SEMA6D: variants seen among roughly 807,000 people sequenced by gnomAD.
SEMA6D encodes the protein semaphorin-6D.
SEMA6D carries 35 observed loss-of-function variants against 106.6 expected under a neutral mutation model. That is an observed-to-expected ratio of 0.33 (90% confidence interval 0.25 to 0.44). The LOEUF is 0.44. SEMA6D is among the 20% of genes least tolerant of loss of function. The pLI is 1.00. For synonymous variants in SEMA6D, 499 were observed against 487.7 expected (o/e 1.02, Z -0.31); for missense variants, 1,185 against 1,345.9 (o/e 0.88, Z 1.87).
At chr15:47,295,594 G>A (rs574162560) in intron 1 of SEMA6D, among the ~76,000 whole-genome samples, 2 of 152,286 alleles carry the variant, frequency 1.3e-5, no homozygotes, top group South Asian at 4.1e-4. Flanking sequence ...AGCCCCTATG[G>A]CAGGGAAGTG....
At chr15:47,738,397 C>T (rs2080583371) in intron 1 of SEMA6D, among the ~76,000 whole-genome samples, 1 of 152,112 alleles carries the variant, frequency 6.6e-6, no homozygotes, top group Non-Finnish European at 1.5e-5. Flanking sequence ...ATCCAGTGTA[C>T]CATTGATGGG....
intron 1 of SEMA6D, among the ~76,000 whole-genome samples, chr15:47,224,616 C>T (rs2141420730): frequency 6.6e-6 from 1 of 152,170 alleles, no homozygotes; most frequent in East Asian, 1.9e-4. Context: ...ATACCTTATA[C>T]CTCATTTCAT....
chr15:47,709,880 C>CA (rs199899821), intron 4 of SEMA6D, among the ~76,000 whole-genome samples: 17,304 of 126,886 alleles, frequency 0.14, 1,039 homozygotes, highest in African/African-American at 0.21. Flanking sequence ...TAAAAACTGG[C>CA]AAAAAAAAAA....
chr15:47,522,948 G>A (rs2044636951), intron 3 of SEMA6D, among the ~76,000 whole-genome samples: 1 of 152,202 alleles, frequency 6.6e-6, no homozygotes, highest in Non-Finnish European at 1.5e-5. Flanking sequence ...AGGCTTCCAT[G>A]GAAGCAGAGC....
At chr15:47,625,612 G>A (rs999877638) in intron 4 of SEMA6D, among the ~76,000 whole-genome samples, 1 of 151,896 alleles carries the variant, frequency 6.6e-6, no homozygotes, top group Non-Finnish European at 1.5e-5. Flanking sequence ...GCGTGTACCT[G>A]TAGTCCCAGC....
At chr15:47,601,424 C>A (rs2076656252) in intron 4 of SEMA6D, among the ~76,000 whole-genome samples, 1 of 152,134 alleles carries the variant, frequency 6.6e-6, no homozygotes, top group African/African-American at 2.4e-5. Flanking sequence ...GTGTTAATCA[C>A]ATTAAATAAC....
intron 1 of SEMA6D, among the ~76,000 whole-genome samples, chr15:47,218,143 T>A (rs542387351): frequency 1.7e-4 from 26 of 152,286 alleles, no homozygotes; most frequent in African/African-American, 6.3e-4. Context: ...TTTGTTTTCA[T>A]TGGGAAAATG....
intron 1 of SEMA6D, among the ~76,000 whole-genome samples, chr15:47,353,166 G>A (rs751927425): frequency 2.6e-5 from 4 of 151,956 alleles, no homozygotes; most frequent in African/African-American, 4.8e-5. Flanking sequence ...TACCCCAAGG[G>A]CCTCACAAAA....
chr15:47,348,720 A>AC (rs1397550772), intron 1 of SEMA6D, among the ~76,000 whole-genome samples: 361 of 24,590 alleles, frequency 0.015, 1 homozygote, highest in African/African-American at 0.03. Flanking sequence ...CACACACACC[A>AC]CACACACAGA....
intron 4 of SEMA6D, among the ~76,000 whole-genome samples, chr15:47,622,383 A>C (rs113291747): frequency 0.014 from 2,188 of 152,250 alleles, 55 homozygotes; most frequent in African/African-American, 0.05. Context: ...CTCTCTCCTC[A>C]GCATGGAACC....
intron 3 of SEMA6D, among the ~76,000 whole-genome samples, chr15:47,581,727 T>C (rs957582057): frequency 1.3e-5 from 2 of 152,130 alleles, no homozygotes; most frequent in African/African-American, 4.8e-5. Flanking sequence ...TAGAAGAACA[T>C]TGTAGGTCAT....
At chr15:47,198,372 T>C (rs1367696279) in intron 1 of SEMA6D, among the ~76,000 whole-genome samples, 1 of 152,162 alleles carries the variant, frequency 6.6e-6, no homozygotes, top group Non-Finnish European at 1.5e-5. Context: ...ATATGTTGAT[T>C]GGCTTGATTA....
At chr15:47,593,404 TCAAAAAA>T (rs2076476906) in intron 3 of SEMA6D, among the ~76,000 whole-genome samples, 1 of 19,760 alleles carries the variant, frequency 5.1e-5, no homozygotes. Context: ...AAACTCCGTC[TCAAAAAA>T]AAAAAAAAAA....
chr15:47,322,121 C>G (rs1018822138), intron 1 of SEMA6D, among the ~76,000 whole-genome samples: 20 of 152,084 alleles, frequency 1.3e-4, no homozygotes, highest in East Asian at 1.2e-3. Flanking sequence ...TTTTAAAAAG[C>G]TTTATTTTAA....
At chr15:47,661,362 T>C (rs538410367) in intron 4 of SEMA6D, among the ~76,000 whole-genome samples, 2 of 152,354 alleles carry the variant, frequency 1.3e-5, no homozygotes, top group African/African-American at 2.4e-5. Flanking sequence ...TCTCTGCCTA[T>C]GTCAGAGTTA....
At chr15:47,194,062 G>T (rs1894160214) in intron 1 of SEMA6D, among the ~76,000 whole-genome samples, 1 of 151,018 alleles carries the variant, frequency 6.6e-6, no homozygotes, top group South Asian at 2.1e-4. Context: ...TGAGTGGGTA[G>T]GTGGATGGAT....
intron 3 of SEMA6D, among the ~76,000 whole-genome samples, chr15:47,499,546 T>C (rs544156648): frequency 1.2e-3 from 180 of 152,320 alleles, no homozygotes; most frequent in African/African-American, 4.2e-3. Flanking sequence ...TATCTTGCTT[T>C]ATAAAGTATG....
At chr15:47,260,125 A>G (rs912955871) in intron 1 of SEMA6D, among the ~76,000 whole-genome samples, 1 of 151,606 alleles carries the variant, frequency 6.6e-6, no homozygotes, top group Non-Finnish European at 1.5e-5. Flanking sequence ...TTTATAATTG[A>G]TTTTTTAAAA....
rs13380118 is a variant in SEMA6D at position 47,482,370 on chromosome 15, T to C, written c.-87+11825T>C. Among the ~76,000 whole-genome samples the C allele has an allele frequency of 7.7e-3, 1,179 of 152,286 alleles. 17 individuals are homozygous for C. Among genetic ancestry groups the C allele is most frequent in the South Asian group, 0.076 (367 of 4,830 alleles). Reference sequence around the variant, plus strand: ...TAATCTGAGGATGACATGCCATCATTACCTGTCCCATGACATACATCCCTA... The same window carrying C: ...TAATCTGAGGATGACATGCCATCATCACCTGTCCCATGACATACATCCCTA... On this transcript the variant is annotated intron_variant, in intron 3 of 19. Coordinates refer to the SEMA6D transcript ENST00000558014.
Sources: allele counts gnomAD v4.1 joint callset (sites outside exome capture counted in the v4.1 genomes callset), GRCh38; gene constraint gnomAD v4.1.1; transcripts MANE v1.5; gene names NCBI Gene and HGNC (gene_info 2026-07-23, HGNC 2026-07-21).